Variants in CAMK4 observed in about 807,000 individuals in gnomAD.
CAMK4 encodes calcium/calmodulin dependent protein kinase IV, also known as calcium/calmodulin-dependent protein kinase type IV.
CAMK4 carries 22 observed loss-of-function variants against 44.9 expected under a neutral mutation model. That is an observed-to-expected ratio of 0.49 (90% confidence interval 0.35 to 0.70). CAMK4 has a LOEUF of 0.70. Among genes scored for constraint, CAMK4 ranks in the 30% least tolerant of loss-of-function variants. The pLI is 0.01. For synonymous variants in CAMK4, 218 were observed against 215.4 expected, an observed-to-expected ratio of 1.01 and a Z score of -0.11; for missense variants, 498 against 586.8, an observed-to-expected ratio of 0.85 and a Z score of 1.56.
intron 1 of CAMK4, among the ~76,000 whole-genome samples, chr5:111,237,881 A>G (rs1316834943): frequency 6.6e-6 from 1 of 152,262 alleles, no homozygotes; most frequent in Non-Finnish European, 1.5e-5. Context: ...ATTATTTAAA[A>G]GCCATCTACT....
At chr5:111,323,754 C>T (rs1002744978) in intron 1 of CAMK4, among the ~76,000 whole-genome samples, 1 of 151,906 alleles carries the variant, frequency 6.6e-6, no homozygotes, top group African/African-American at 2.4e-5. Context: ...ACAAGTAATG[C>T]CAAACAAACT....
intron 1 of CAMK4, among the ~76,000 whole-genome samples, chr5:111,245,248 C>T (rs536325918): frequency 4.6e-5 from 7 of 152,222 alleles, no homozygotes; most frequent in Middle Eastern, 3.4e-3. Flanking sequence ...GCATTAAATA[C>T]ATATTCTTCT....
At chr5:111,300,346 C>G (rs2112644714) in intron 1 of CAMK4, among the ~76,000 whole-genome samples, 1 of 152,180 alleles carries the variant, frequency 6.6e-6, no homozygotes, top group Middle Eastern at 3.4e-3. Flanking sequence ...TGAAACTTTG[C>G]CTTGTGGGGG....
intron 7 of CAMK4, among the ~76,000 whole-genome samples, chr5:111,466,809 C>G (rs1397385944): frequency 6.6e-6 from 1 of 150,480 alleles, no homozygotes; most frequent in African/African-American, 2.4e-5. Flanking sequence ...CATCAAAATA[C>G]CACCATCATT....
intron 5 of CAMK4, among the ~76,000 whole-genome samples, chr5:111,434,686 C>T (rs192831316): frequency 2.6e-5 from 4 of 152,082 alleles, no homozygotes; most frequent in South Asian, 2.1e-4. Flanking sequence ...ATGATAAAGA[C>T]GATGGTAGTA....
At chr5:111,473,551 T>G (rs183639401) in intron 8 of CAMK4, among the ~76,000 whole-genome samples, 165 bp downstream of exon 8, 1 of 152,330 alleles carries the variant, frequency 6.6e-6, no homozygotes, top group Non-Finnish European at 1.5e-5. Flanking sequence ...AAATGAACAT[T>G]GCTTTTTATT....
chr5:111,396,631 CTTTTTTTTTTTTTT>C (rs540495109), intron 5 of CAMK4, among the ~76,000 whole-genome samples: 4 of 47,010 alleles, frequency 8.5e-5, no homozygotes, highest in African/African-American at 2.6e-4. Context: ...AACTCATATT[CTTTTTTTTTTTTTT>C]TTTTTTTTTT....
chr5:111,286,929 T>G (rs1751259615), intron 1 of CAMK4, among the ~76,000 whole-genome samples: 1 of 152,162 alleles, frequency 6.6e-6, no homozygotes, highest in Non-Finnish European at 1.5e-5. Context: ...TTCTTGATGG[T>G]TATTGTTTTT....
intron 5 of CAMK4, among the ~76,000 whole-genome samples, chr5:111,400,064 C>T (rs553110058): frequency 6.6e-6 from 1 of 152,142 alleles, no homozygotes; most frequent in Non-Finnish European, 1.5e-5. Context: ...AACTCTGACT[C>T]AAGTCTGCAA....
upstream of CAMK4, chr5:111,224,235 T>A (rs1359068555): frequency 2.7e-6 from 1 of 371,432 alleles, no homozygotes; most frequent in African/African-American, 2.2e-5. The surrounding 1 kb of genome is among the most constrained non-coding windows in gnomAD (Gnocchi z 5.7). Context: ...GCCTCTCTCC[T>A]CAGCGGTGCA....
chr5:111,422,755 G>A (rs985607193), intron 5 of CAMK4, among the ~76,000 whole-genome samples: 10 of 152,008 alleles, frequency 6.6e-5, no homozygotes, highest in Non-Finnish European at 1.5e-4. Flanking sequence ...GTATGTATTT[G>A]TATTTGTTTT....
chr5:111,432,553 C>G (rs748455228), intron 5 of CAMK4, among the ~76,000 whole-genome samples: 1 of 151,126 alleles, frequency 6.6e-6, no homozygotes, highest in Non-Finnish European at 1.5e-5. Context: ...CCCCCATTCT[C>G]CATGGTGTAT....
Position 111,224,561 on chromosome 5 carries a change from G to A in CAMK4, c.78G>A (p.Ala26=). The A allele has an allele frequency of 1.9e-6, 3 of 1,612,326 alleles. No homozygotes were observed. Among genetic ancestry groups the A allele is most frequent in the South Asian group, 1.1e-5 (1 of 90,912 alleles). The change falls in exon 1 of 11, where the codon GCG becomes GCA. Residue 26 remains alanine (A), a synonymous_variant. Transcript: ENST00000282356. The surrounding 1 kb of genome is among the most constrained non-coding windows in gnomAD (Gnocchi z 5.7). ...CCGCCAGTGCGGCCCCGGGGACCGC[G>A]AGCCTCGTCCCGGATTACTGGATCG... The part of the protein sequence containing the change: ...SVTASAAPGT[A]SLVPDYWIDG...
At chr5:111,479,697 C>T (rs1039552144) in intron 9 of CAMK4, among the ~76,000 whole-genome samples, 15 of 152,166 alleles carry the variant, frequency 9.9e-5, no homozygotes, top group African/African-American at 3.6e-4. Context: ...TCAAGCATTT[C>T]TTCCTTACCC....
intron 1 of CAMK4, among the ~76,000 whole-genome samples, chr5:111,341,446 G>C (rs1379045568): frequency 6.6e-6 from 1 of 150,606 alleles, no homozygotes; most frequent in East Asian, 2.0e-4. Flanking sequence ...TCAAGCACTA[G>C]GTTTTAGAAA....
intron 5 of CAMK4, among the ~76,000 whole-genome samples, chr5:111,404,012 A>G (rs945627344): frequency 1.7e-4 from 26 of 152,152 alleles, no homozygotes; most frequent in African/African-American, 6.0e-4. Flanking sequence ...CTGTAAGGTG[A>G]CCCTTTGAAA....
At chr5:111,238,527 C>G (rs1195477305) in intron 1 of CAMK4, among the ~76,000 whole-genome samples, 1 of 150,990 alleles carries the variant, frequency 6.6e-6, no homozygotes, top group Non-Finnish European at 1.5e-5. Context: ...ACTTCCAGCC[C>G]TCAGAACTGT....
At chr5:111,349,939 GA>G (rs990443642) in intron 2 of CAMK4, among the ~76,000 whole-genome samples, 9 of 151,942 alleles carry the variant, frequency 5.9e-5, no homozygotes, top group African/African-American at 2.2e-4. Context: ...TGCCTCTCAT[GA>G]AATACCTAGT....
chr5:111,483,084 A>T, intron 10 of CAMK4, 147 bp downstream of exon 10: 1 of 629,288 alleles, frequency 1.6e-6, no homozygotes, highest in Non-Finnish European at 2.5e-6. Flanking sequence ...TTGAAACTCC[A>T]ATAAGGCTGA....
Sources: gnomAD v4.1 joint callset for allele counts (sites outside exome capture counted in the v4.1 genomes callset) on GRCh38, gnomAD v4.1.1 for gene constraint, Gnocchi (gnomAD v3.1) non-coding constraint, MANE v1.5 for transcripts, NCBI Gene and HGNC (gene_info 2026-07-23, HGNC 2026-07-21) for gene names.